RFC1: variants seen among roughly 807,000 people sequenced by gnomAD.
RFC1 encodes the protein A1 140 kDa subunit.
A neutral mutation model predicts 137.4 loss-of-function variants in RFC1; 37 were observed. That is an observed-to-expected ratio of 0.27 (90% CI 0.21 to 0.35). RFC1 has a LOEUF of 0.35. Ranked by LOEUF, RFC1 falls within the 10% of genes least tolerant of loss-of-function variation. The pLI, the probability that RFC1 is intolerant of heterozygous loss-of-function variation, is 1.00. For missense variants in RFC1, 1,205 were observed against 1,358.5 expected, an observed-to-expected ratio of 0.89 and a Z score of 1.78; for synonymous variants, 429 against 455.7, an observed-to-expected ratio of 0.94 and a Z score of 0.75.
intron 2 of RFC1, among the ~76,000 whole-genome samples, chr4:39,346,936 C>T (rs1740889383): frequency 6.6e-6 from 1 of 152,220 alleles, no homozygotes. Context: ...AAGATTTCAG[C>T]TGCTGCCCAT....
chr4:39,334,027 A>C (rs757433177), intron 4 of RFC1, among the ~76,000 whole-genome samples: 3 of 152,158 alleles, frequency 2.0e-5, no homozygotes, highest in Non-Finnish European at 4.4e-5. Context: ...GAGTAACTCT[A>C]GTAAAACACA....
rs142272638 is a variant in RFC1 at position 39,308,688 on chromosome 4, G to C, written c.1833C>G (p.Leu611=). The C allele has an allele frequency of 2.6e-4, 427 of 1,614,092 alleles. 2 individuals are homozygous for C. In the African/African-American group the frequency reaches 4.6e-3, roughly 17 times the overall value. Residue 611 remains leucine (L), a synonymous_variant, in exon 13 of 25, where the codon CTC becomes CTG. Coordinates refer to ENST00000349703, the MANE Select transcript of RFC1 (RefSeq NM_002913.5). The stretch of plus-strand genomic sequence containing the variant: ...TTTGCCAGTTTCGGAGCCAGCGTAG[G>C]AGTTTGTTGGCACAGCTCTGGTCAC... ...QQGDQSCANK[L]LRWLRNWQKS...
intron 24 of RFC1, 46 bp from the exon 25 acceptor site, chr4:39,288,890 G>A (rs776902721): frequency 1.7e-6 from 2 of 1,163,236 alleles, no homozygotes; most frequent in East Asian, 2.3e-5. Context: ...GTGTTTATGA[G>A]TAAATGAAAT....
At chr4:39,294,498 C>CCT (rs3068607) in intron 22 of RFC1, among the ~76,000 whole-genome samples, 77,845 of 151,372 alleles carry the variant, frequency 0.51, 21,770 homozygotes, top group African/African-American at 0.75. Context: ...ATGGTGAAAC[C>CCT]GTCTCTACTA....
chr4:39,308,071 C>T (rs1028598866), intron 13 of RFC1, among the ~76,000 whole-genome samples: 1 of 152,204 alleles, frequency 6.6e-6, no homozygotes, highest in African/African-American at 2.4e-5. Context: ...ACAGGCCTAT[C>T]GGGCCTGCCA....
chr4:39,351,518 G>A (rs536121537), intron 1 of RFC1, 42 bp from the exon 2 acceptor site: 22 of 1,471,678 alleles, frequency 1.5e-5, no homozygotes, highest in African/African-American at 5.9e-5. Flanking sequence ...AACATTAACC[G>A]CATAAAATTA....
chr4:39,304,138 G>C (rs1738512901), intron 15 of RFC1, among the ~76,000 whole-genome samples: 1 of 152,156 alleles, frequency 6.6e-6, no homozygotes, highest in South Asian at 2.1e-4. Context: ...CAATGTGAAG[G>C]CACCAAGAAT....
chr4:39,303,219 CT>C, intron 15 of RFC1, 68 bp from the exon 16 acceptor site: 1 of 1,028,622 alleles, frequency 9.7e-7, no homozygotes, highest in Admixed American at 1.7e-5. Context: ...AACTGCTGCT[CT>C]GTAGAAAATT....
At chr4:39,298,856 T>C (rs1057313751) in intron 21 of RFC1, among the ~76,000 whole-genome samples, 2 of 152,176 alleles carry the variant, frequency 1.3e-5, no homozygotes, top group African/African-American at 2.4e-5. Flanking sequence ...CAGTGGCTCA[T>C]GCCTGTAATC....
chr4:39,304,931 A>T lies in RFC1; in HGVS notation c.1996-3T>A, dbSNP rs1200903222. The T allele has an allele frequency of 1.3e-6, 2 of 1,579,098 alleles. No homozygotes were observed. Among genetic ancestry groups the T allele is most frequent in the East Asian group, 2.2e-5 (1 of 44,718 alleles). On this transcript the variant is annotated splice_polypyrimidine_tract_variant and splice_region_variant and intron_variant, in intron 14 of 24. Transcript: ENST00000349703. The stretch of plus-strand genomic sequence containing the variant: ...TCCACGTAGCTGTATCCCAACTCCT[A>T]ATCAAAATATTGGAAACCACTGAAG...
intron 13 of RFC1, among the ~76,000 whole-genome samples, chr4:39,307,998 T>C (rs1035122424): frequency 1.3e-5 from 2 of 152,156 alleles, no homozygotes; most frequent in African/African-American, 4.8e-5. Context: ...TAAATACATA[T>C]TGGAGCTTTT....
At chr4:39,351,253 G>GAAAAAAAAAAAAAAAAAAAAAA (rs58906519) in intron 2 of RFC1, 95 bp downstream of exon 2, 1 of 284,534 alleles carries the variant, frequency 3.5e-6, no homozygotes, top group African/African-American at 4.7e-5. Context: ...TCTGTCTCAG[G>GAAAAAAAAAAAAAAAAAAAAAA]AAAAAAAAAA....
At chr4:39,349,214 G>A (rs1444572862) in intron 2 of RFC1, among the ~76,000 whole-genome samples, 1 of 152,108 alleles carries the variant, frequency 6.6e-6, no homozygotes. Context: ...AATGTATTTT[G>A]CATGCAAGAA....
At chr4:39,363,195 TCA>T (rs1000629587) in intron 1 of RFC1, among the ~76,000 whole-genome samples, 21 of 152,274 alleles carry the variant, frequency 1.4e-4, no homozygotes, top group African/African-American at 5.1e-4. Flanking sequence ...CAGGTTTTAT[TCA>T]CGTTTTGTGC....
intron 1 of RFC1, among the ~76,000 whole-genome samples, chr4:39,359,487 T>G (rs1741641014): frequency 6.6e-6 from 1 of 152,184 alleles, no homozygotes; most frequent in African/African-American, 2.4e-5. Flanking sequence ...TTGTATATTC[T>G]CACTCACCCA....
chr4:39,334,870 A>G (rs1486719897), intron 4 of RFC1, among the ~76,000 whole-genome samples: 1 of 152,218 alleles, frequency 6.6e-6, no homozygotes, highest in Non-Finnish European at 1.5e-5. Context: ...CAGCAGAGGA[A>G]TTGCCTGGGA....
intron 10 of RFC1, among the ~76,000 whole-genome samples, chr4:39,315,533 A>C (rs568022559): frequency 7.2e-5 from 11 of 152,296 alleles, no homozygotes; most frequent in Admixed American, 3.3e-4. Flanking sequence ...CTCCAGTCCC[A>C]CATATCTGCT....
At chr4:39,348,424 A>AAAAGG (rs1560619780) in intron 2 of RFC1, among the ~76,000 whole-genome samples, 7 of 71,780 alleles carry the variant, frequency 9.8e-5, no homozygotes, top group Non-Finnish European at 1.8e-4. Flanking sequence ...CTCTGTTTCA[A>AAAAGG]AAAAGAAAAG....
chr4:39,318,065 G>A (rs992029304), intron 9 of RFC1: 1 of 152,254 alleles, frequency 6.6e-6, no homozygotes, highest in Admixed American at 6.5e-5. Context: ...GCTGAGGCAG[G>A]AGAATGGCGT....
Sources: allele counts gnomAD v4.1 joint callset (sites outside exome capture counted in the v4.1 genomes callset), GRCh38; gene constraint gnomAD v4.1.1; transcripts MANE v1.5; gene names NCBI Gene and HGNC (gene_info 2026-07-23, HGNC 2026-07-21).